Variants in SMG5 observed in about 807,000 individuals in gnomAD.
SMG5 encodes SMG5 nonsense mediated mRNA decay factor.
Under a neutral mutation model 122.9 loss-of-function variants are expected in SMG5, and 53 were observed. That is an observed-to-expected ratio of 0.43 (90% CI 0.35 to 0.54). SMG5 has a LOEUF of 0.54. Among genes scored for constraint, SMG5 ranks in the 20% least tolerant of loss-of-function variants. SMG5 has a pLI of 0.01. For synonymous variants in SMG5, 477 were observed against 490.2 expected (o/e 0.97, Z 0.35); for missense variants, 1,153 against 1,285.6 (o/e 0.90, Z 1.58).
At position 156,260,620 on chromosome 1, in the gene SMG5, G is replaced by A. The variant is rs1406221037; in HGVS notation, c.2114C>T (p.Ala705Val). The A allele has an allele frequency of 3.3e-6, 5 of 1,504,038 alleles. No homozygotes were observed. In the African/African-American group the frequency reaches 4.3e-5, roughly 13 times the overall value. 93.2% of individuals were successfully genotyped at this position (1,504,038 alleles called of 1,614,324 possible). A position where few individuals can be genotyped will look rare whatever the true frequency, so the allele number is the denominator to read the frequency against. ...AAGELQESGL[A>V]LCPEVQDLLE... ...AAGATCTTGGACCTCAGGACACAAG[G>A]CCAGGCCTGGGCAGAAGAAGGACAC... Residue 705 changes from alanine to valine, a missense_variant, in exon 15 of 22, where the codon GCC becomes GTC. Transcript: ENST00000361813.
At chr1:156,278,653 C>G (rs1662797346) in intron 2 of SMG5, among the ~76,000 whole-genome samples, 1 of 152,106 alleles carries the variant, frequency 6.6e-6, no homozygotes, top group African/African-American at 2.4e-5. Flanking sequence ...AAACGTGAGC[C>G]ACTGTGCCCT....
upstream of SMG5, chr1:156,286,258 A>G: frequency 1.9e-6 from 3 of 1,613,754 alleles, no homozygotes; most frequent in Non-Finnish European, 2.5e-6. Context: ...AACTCCACCC[A>G]GGGATCCTGG....
intron 13 of SMG5, among the ~76,000 whole-genome samples, chr1:156,262,311 T>C (rs186843651): frequency 1.3e-5 from 2 of 151,524 alleles, no homozygotes; most frequent in African/African-American, 2.4e-5. Context: ...AAACGCCGTC[T>C]CTACTAAAAA....
rs533116327 is a variant in SMG5 at position 156,256,310 on chromosome 1, C to CT, written c.2442+2694dup. ...AGCCTAGGTGAGAGCCATCTTCTCT[C>CT]TTTTTTTTTTTTTTTTTTTTTTTTG... On this transcript the variant is annotated intron_variant, in intron 16 of 21. Coordinates refer to ENST00000361813, the MANE Select transcript of SMG5 (RefSeq NM_015327.3). Among the ~76,000 whole-genome samples the CT allele has an allele frequency of 5.2e-3, 452 of 86,916 alleles. 1 individual carries two copies. Among genetic ancestry groups the CT allele is most frequent in the Admixed American group, 9.5e-3 (79 of 8,302 alleles). The allele number at this position is 86,916 out of a possible 152,430, so 57.0% of individuals were successfully genotyped here.
rs1176349323 is a variant in SMG5 at position 156,266,218 on chromosome 1, T to C, written c.1418A>G (p.Asp473Gly). 6.2e-7 allele frequency: 1 copy of C among 1,614,076 alleles called. No homozygotes were observed. The highest frequency in any genetic ancestry group is 1.3e-5 in the African/African-American group (1 of 74,920). ...RHPPKVGDDS[D>G]LSEGFESDSS... is the part of the protein sequence containing the mutation. Reference sequence around the variant, plus strand: ...GTCCGATTCAAAGCCTTCACTCAGGTCACTGTCATCACCAACTTTGGGTGG... The same window carrying C: ...GTCCGATTCAAAGCCTTCACTCAGGCCACTGTCATCACCAACTTTGGGTGG... The change falls in exon 12 of 22, where the codon GAC becomes GGC. Residue 473 changes from aspartate (D) to glycine (G), a missense_variant. By Grantham distance (94) the Asp-to-Gly change is moderately conservative (BLOSUM62 -1). Transcript: ENST00000361813.
intron 13 of SMG5, among the ~76,000 whole-genome samples, chr1:156,261,662 C>T (rs183538261): frequency 6.6e-5 from 10 of 152,112 alleles, no homozygotes; most frequent in Admixed American, 1.3e-4. Flanking sequence ...CCAAGGTAGG[C>T]GGATCACCTG....
rs1558238397 is a variant in SMG5 at position 156,265,802 on chromosome 1, C to T, written c.1834G>A (p.Val612Ile). The T allele has an allele frequency of 6.8e-6, 11 of 1,613,928 alleles. No homozygotes were observed. Among genetic ancestry groups the T allele is most frequent in the Non-Finnish European group, 9.3e-6 (11 of 1,179,896 alleles). ...ASHRPCVNGDVDKPSEPASEE... is the reference protein window; with the variant it reads ...ASHRPCVNGDIDKPSEPASEE... ...ATACCTGGCTCTGAAGGCTTGTCTA[C>T]ATCCCCATTGACGCAAGGCCTGTGG... Residue 612 changes from valine (V) to isoleucine (I), a missense_variant, in exon 12 of 22, where the codon GTA (valine) becomes ATA (isoleucine). Transcript: ENST00000361813.
At chr1:156,285,023 CCT>C (rs921186423), upstream of SMG5, among the ~76,000 whole-genome samples, 1 of 152,144 alleles carries the variant, frequency 6.6e-6, no homozygotes, top group African/African-American at 2.4e-5. Flanking sequence ...TTCCCTCCTC[CCT>C]CTGTTTCAGT....
upstream of SMG5, among the ~76,000 whole-genome samples, chr1:156,287,373 G>A (rs1477586291): frequency 2.6e-5 from 4 of 152,044 alleles, no homozygotes; most frequent in African/African-American, 4.8e-5. Flanking sequence ...CCAAGATCGC[G>A]CCATTGCACT....
At chr1:156,259,222 C>A in intron 15 of SMG5, 59 bp from the exon 16 acceptor site, 1 of 1,453,520 alleles carries the variant, frequency 6.9e-7, no homozygotes. Context: ...CCCACCCTGC[C>A]CTCCAGGACC....
In SMG5 at chr1:156,263,481, G is replaced by C. The variant is rs1022346078; in HGVS notation, c.1945C>G (p.Leu649Val). The C allele has an allele frequency of 6.2e-7, 1 of 1,614,154 alleles. No homozygotes were observed. The highest frequency in any genetic ancestry group is 1.3e-5 in the African/African-American group (1 of 74,948). The change falls in exon 13 of 22, where the codon CTG (leucine) becomes GTG (valine). Residue 649 changes from leucine (L) to valine (V), a missense_variant. Around this residue, in one of 5 missense-constraint regions of SMG5, gnomAD observed 631 missense variants for 650.6 expected, o/e 0.97. Transcript: ENST00000361813. ...ERSIQEKLQVLMAEGLLPAVK... is the reference protein window; with the variant it reads ...ERSIQEKLQVVMAEGLLPAVK... ...GCAGGAAGCAGACCTTCGGCCATCA[G>C]GACCTGAAGCTTCTCCTGGATGCTG...
upstream of SMG5, chr1:156,285,989 C>G: frequency 1.9e-6 from 3 of 1,594,338 alleles, no homozygotes; most frequent in Non-Finnish European, 2.6e-6. Context: ...GCTGGGTGAG[C>G]CTGTGAGAAG....
At chr1:156,270,999 C>A (rs1662388907) in intron 7 of SMG5, among the ~76,000 whole-genome samples, 1 of 150,238 alleles carries the variant, frequency 6.7e-6, no homozygotes. Context: ...AAGAGTGAAA[C>A]TCCATCTCAA....
chr1:156,288,147 G>A, the SMG5 span, among the ~76,000 whole-genome samples: 5 of 148,860 alleles, frequency 3.4e-5, no homozygotes, highest in Non-Finnish European at 7.4e-5. Context: ...CCCGGGAGCC[G>A]AGATAGCGCC....
At chr1:156,260,367 C>A (rs1363474535) in intron 15 of SMG5, 84 bp downstream of exon 15, 34 of 1,481,456 alleles carry the variant, frequency 2.3e-5, no homozygotes, top group Non-Finnish European at 3.1e-5. Flanking sequence ...GGGCATCCTG[C>A]CCCCTCCCTC....
At chr1:156,283,206 C>T (rs946110294), upstream of SMG5, 7 of 199,720 alleles carry the variant, frequency 3.5e-5, no homozygotes, top group African/African-American at 1.6e-4. Flanking sequence ...CCCTTTTCCC[C>T]CATAATTTAA....
chr1:156,273,461 G>A lies in SMG5; in HGVS notation c.545-11C>T. ...CATTCTGATATCGGGCTGCACAAGA[G>A]AGAAAACGAAGGGAAACTCGATGAT... On this transcript the variant is annotated splice_polypyrimidine_tract_variant and intron_variant, in intron 5 of 21. Coordinates refer to ENST00000361813, the MANE Select transcript of SMG5 (RefSeq NM_015327.3). 11 of 1,612,990 alleles carry A rather than the reference G, an allele frequency of 6.8e-6. No individual in the cohort carries two copies. Among genetic ancestry groups the A allele is most frequent in the Non-Finnish European group, 9.3e-6 (11 of 1,179,378 alleles).
At chr1:156,267,735 G>C (rs567417914) in intron 9 of SMG5, 57 bp from the exon 10 acceptor site, 3 of 1,431,696 alleles carry the variant, frequency 2.1e-6, no homozygotes, top group East Asian at 4.9e-5. Flanking sequence ...GGAAGGAGAA[G>C]AGCAGGGAAT....
intron 16 of SMG5, among the ~76,000 whole-genome samples, chr1:156,256,250 T>C (rs1268048752): frequency 6.7e-6 from 1 of 150,370 alleles, no homozygotes; most frequent in East Asian, 2.0e-4. Flanking sequence ...TGAGAAACAA[T>C]GTAAACAAAT....
Sources: gnomAD v4.1 joint callset for allele counts (sites outside exome capture counted in the v4.1 genomes callset) on GRCh38, gnomAD v4.1.1 for gene constraint, gnomAD v4.1.1 regional missense constraint, MANE v1.5 for transcripts, NCBI Gene and HGNC (gene_info 2026-07-23, HGNC 2026-07-21) for gene names.